Variants in NEB observed in about 807,000 individuals in gnomAD.
NEB encodes nemaline myopathy type 2.
In NEB, 512 loss-of-function variants were observed where a neutral mutation model predicts 952.2. That is an observed-to-expected ratio of 0.54 (90% confidence interval 0.50 to 0.58). The LOEUF (loss-of-function observed/expected upper bound fraction) is 0.58. Ranked by LOEUF, NEB falls within the 20% of genes least tolerant of loss-of-function variation. The pLI, the probability that NEB is intolerant of heterozygous loss-of-function variation, is 0.00. For missense variants in NEB, 8,428 were observed against 9,231.1 expected (o/e 0.91, Z 3.56); for synonymous variants, 2,900 against 3,149.8 (o/e 0.92, Z 2.66).
rs542377970 is a variant in NEB, at chr2:151,642,451, C to T, written c.8373+123G>A. ...ATTACCATTATTTTAAACCATTCATCGAAACAATAAACTGTTAGCAACAGC... is the reference window on the plus strand; with the variant it reads ...ATTACCATTATTTTAAACCATTCATTGAAACAATAAACTGTTAGCAACAGC... On this transcript the variant is annotated intron_variant, in intron 60 of 181. Transcript: ENST00000397345. The T allele has an allele frequency of 1.7e-4, 138 of 798,426 alleles. 1 individual carries two copies. Among genetic ancestry groups the T allele is most frequent in the African/African-American group, 1.2e-3 (69 of 57,648 alleles). The allele number at this position is 798,426 out of a possible 1,614,324, so 49.5% of individuals were successfully genotyped here. A position where few individuals can be genotyped will look rare whatever the true frequency, so the allele number is the denominator to read the frequency against.
At chr2:151,732,502 G>A (rs2099811361) in intron 3 of NEB, among the ~76,000 whole-genome samples, 1 of 152,150 alleles carries the variant, frequency 6.6e-6, no homozygotes, top group African/African-American at 2.4e-5. Context: ...TAGTCTTGTT[G>A]ACTTGGGTAA....
Position 151,554,918 on chromosome 2 carries a change from T to A in NEB, c.19428+13A>T. ...TGTATCCTAGTCATTAAGGGGCGCA[T>A]GACCGTACTTACATCGATGTTAAGC... On this transcript the variant is annotated intron_variant, in intron 125 of 181. Transcript: ENST00000397345. The A allele has an allele frequency of 6.4e-7, 1 of 1,570,084 alleles. No individual in the cohort carries two copies. The highest frequency in any genetic ancestry group is 8.8e-7 in the Non-Finnish European group (1 of 1,139,958).
At chr2:151,490,118 G>T in intron 180 of NEB, 41 bp from the exon 181 acceptor site, 1 of 1,461,062 alleles carries the variant, frequency 6.8e-7, no homozygotes, top group Middle Eastern at 1.8e-4. Flanking sequence ...AAGAAAAATG[G>T]CTAGGTATCC....
chr2:151,694,377 A>G lies in NEB; in HGVS notation c.1842T>C (p.Ile614=). The G allele has an allele frequency of 6.2e-7, 1 of 1,614,022 alleles. No homozygotes were observed. The highest frequency in any genetic ancestry group is 1.1e-5 in the South Asian group (1 of 91,080). ...NKGKMIGVLS[I]NDDPKMLHSL... is the part of the protein sequence containing the mutation. ...AGTGCAGCATCTTGGGATCGTCATT[A>G]ATGCTGAGGACTCCAATCATTTTCC... Residue 614 remains isoleucine, a synonymous_variant, in exon 20 of 182, where the codon ATT becomes ATC. Transcript: ENST00000397345.
At chr2:151,680,553 C>T (rs567332802) in intron 30 of NEB, among the ~76,000 whole-genome samples, 177 bp downstream of exon 30, 2 of 152,256 alleles carry the variant, frequency 1.3e-5, no homozygotes, top group South Asian at 2.1e-4. Context: ...ATATACATTA[C>T]TGTAAATATA....
chr2:151,609,811 C>T lies in NEB; in HGVS notation c.12328G>A (p.Asp4110Asn), dbSNP rs1283048983. The change falls in exon 81 of 182, where the codon GAT becomes AAT. Residue 4110 changes from aspartate to asparagine, a missense_variant and splice_region_variant. Asp to Asn is a conservative substitution (Grantham distance 23). Coordinates refer to ENST00000397345, the MANE Select transcript of NEB (RefSeq NM_001164508.2). The part of the protein sequence containing the change: ...QAKKAYDLQS[D>N]SVYKADLEWL... ...TTCCCAAAATTCATGTTACGTACAT[C>T]ACTCTGCAGGTCATAGGCCTTTTTT... The T allele has an allele frequency of 3.2e-6, 5 of 1,573,444 alleles. No individual in the cohort carries two copies. In the Admixed American group the frequency reaches 5.4e-5, roughly 17 times the overall value.
At position 151,491,971 on chromosome 2, in the gene NEB, C is replaced by A. The variant is rs572436771; in HGVS notation, c.25057+127G>T. 81 of 1,103,846 alleles carry A rather than the reference C, an allele frequency of 7.3e-5. No individual in the cohort carries two copies. In the African/African-American group the frequency reaches 1.2e-3, roughly 17 times the overall value. 68.4% of individuals were successfully genotyped at this position (1,103,846 alleles called of 1,614,324 possible). A position where few individuals can be genotyped will look rare whatever the true frequency, so the allele number is the denominator to read the frequency against. On this transcript the variant is annotated intron_variant, in intron 178 of 181. Transcript: ENST00000397345. ...TTTGTAAACTATGAGATAATAGGAGCTTTCTTGCACCTCTAGAAAAACAGA... is the reference window on the plus strand; with the variant it reads ...TTTGTAAACTATGAGATAATAGGAGATTTCTTGCACCTCTAGAAAAACAGA...
At chr2:151,716,429 G>A (rs867438073) in intron 10 of NEB, among the ~76,000 whole-genome samples, 8 of 152,146 alleles carry the variant, frequency 5.3e-5, no homozygotes, top group Middle Eastern at 3.4e-3. Context: ...GAGCCACCGC[G>A]CCTGGCCAAT....
At chr2:151,550,716 C>T (rs2095268244) in intron 129 of NEB, among the ~76,000 whole-genome samples, 1 of 152,264 alleles carries the variant, frequency 6.6e-6, no homozygotes, top group African/African-American at 2.4e-5. Flanking sequence ...CAGTTCACTG[C>T]ATCCTTGACC....
chr2:151,684,833 G>A lies in NEB; in HGVS notation c.2780C>T (p.Pro927Leu). ...YKHILHSYSY[P>L]PDSINVDLAK... ...AAGGTCCACATTGATGCTATCAGGGGGGTAGCTGTAACTGTGTAAGATGTG... is the reference window on the plus strand; with the variant it reads ...AAGGTCCACATTGATGCTATCAGGGAGGTAGCTGTAACTGTGTAAGATGTG... The change falls in exon 28 of 182, where the codon CCC becomes CTC. Residue 927 changes from proline (P) to leucine (L), a missense_variant. By Grantham distance (98) the Pro-to-Leu change is moderately conservative. Around this residue, in one of 11 missense-constraint regions of NEB, gnomAD observed 2,851 missense variants for 2,791.5 expected, o/e 1.02. Coordinates refer to ENST00000397345, the MANE Select transcript of NEB (RefSeq NM_001164508.2). 6.2e-7 allele frequency: 1 copy of A among 1,613,388 alleles called. No individual in the cohort carries two copies. The highest frequency in any genetic ancestry group is 8.5e-7 in the Non-Finnish European group (1 of 1,179,598).
intron 52 of NEB, among the ~76,000 whole-genome samples, chr2:151,652,875 C>G (rs1250650677): frequency 6.6e-6 from 1 of 152,136 alleles, no homozygotes; most frequent in African/African-American, 2.4e-5. Flanking sequence ...AATTCCTAAA[C>G]TATCTTTAGC....
At chr2:151,518,470 G>T in intron 155 of NEB, 48 bp from the exon 156 acceptor site, 2 of 1,170,574 alleles carry the variant, frequency 1.7e-6, no homozygotes, top group Non-Finnish European at 2.6e-6. Context: ...AAGCTGCTCA[G>T]CATTCCTATT....
Position 151,640,416 on chromosome 2 carries a change from G to A in NEB, c.8624C>T (p.Thr2875Ile). 1.2e-6 allele frequency: 2 copies of A among 1,613,966 alleles called. No homozygotes were observed. Among genetic ancestry groups the A allele is most frequent in the Non-Finnish European group, 1.7e-6 (2 of 1,179,882 alleles). The change falls in exon 61 of 182, where the codon ACA becomes ATA. Residue 2875 changes from threonine (T) to isoleucine (I), a missense_variant. Transcript: ENST00000397345. Reference sequence around the variant, plus strand: ...GACGTCGCTCTGGTCGGGCAGGCATGTCCACTGGTGCAGGTAGTTCTTGTA... The same window carrying A: ...GACGTCGCTCTGGTCGGGCAGGCATATCCACTGGTGCAGGTAGTTCTTGTA... Reference protein sequence around the residue: ...VDYKNYLHQWTCLPDQSDVIH... With the variant: ...VDYKNYLHQWICLPDQSDVIH...
At position 151,687,741 on chromosome 2, in the gene NEB, A is replaced by G. The variant is rs2148960985; in HGVS notation, c.2416-8T>C. 1 of 1,566,864 alleles carries G rather than the reference A, an allele frequency of 6.4e-7. No homozygotes were observed. Among genetic ancestry groups the G allele is most frequent in the Non-Finnish European group, 8.7e-7 (1 of 1,154,200 alleles). ...GTCTTGCTTATAAACATTCTGGACA[A>G]GAAAAATTCAGCAAAGGAATGATAA... On this transcript the variant is annotated splice_polypyrimidine_tract_variant and splice_region_variant and intron_variant, in intron 25 of 181. Coordinates refer to ENST00000397345, the MANE Select transcript of NEB (RefSeq NM_001164508.2).
intron 30 of NEB, among the ~76,000 whole-genome samples, chr2:151,680,315 C>A (rs2148623404): frequency 6.6e-6 from 1 of 151,866 alleles, no homozygotes; most frequent in South Asian, 2.1e-4. Context: ...CACCAACCAC[C>A]TATATTATAT....
rs1371965826 is a variant in NEB, at chr2:151,601,474, G to A, written c.13476+427C>T. The stretch of plus-strand genomic sequence containing the variant: ...TTTAAAAATGTGTAACCCTATCTAC[G>A]TGGAAAAAAACAGTATATTTCTAGC... On this transcript the variant is annotated intron_variant, in intron 88 of 181. Coordinates refer to ENST00000397345, the MANE Select transcript of NEB (RefSeq NM_001164508.2). 4.2e-3 allele frequency among the ~76,000 whole-genome samples: 464 copies of A among 110,328 alleles called. 10 individuals are homozygous for A. Among genetic ancestry groups the A allele is most frequent in the Non-Finnish European group, 6.4e-3 (357 of 56,016 alleles). The allele number at this position is 110,328 out of a possible 152,430, so 72.4% of individuals were successfully genotyped here.
At chr2:151,654,376 G>A (rs1163982844) in intron 51 of NEB, among the ~76,000 whole-genome samples, 3 of 152,112 alleles carry the variant, frequency 2.0e-5, no homozygotes, top group Non-Finnish European at 4.4e-5. Flanking sequence ...GTCATATCAG[G>A]CATATCACGT....
At chr2:151,637,907 C>T (rs2098792677) in intron 63 of NEB, among the ~76,000 whole-genome samples, 1 of 152,168 alleles carries the variant, frequency 6.6e-6, no homozygotes, top group South Asian at 2.1e-4. Flanking sequence ...AAGATGGTGG[C>T]AATTCCATCT....
intron 54 of NEB, among the ~76,000 whole-genome samples, chr2:151,648,632 C>T (rs1010813210): frequency 6.6e-6 from 1 of 152,138 alleles, no homozygotes; most frequent in African/African-American, 2.4e-5. Flanking sequence ...GGGGCTGCCC[C>T]GTGCATTGTG....
Sources: gnomAD v4.1 joint callset for allele counts (sites outside exome capture counted in the v4.1 genomes callset) on GRCh38, gnomAD v4.1.1 for gene constraint, gnomAD v4.1.1 regional missense constraint, MANE v1.5 for transcripts, NCBI Gene and HGNC (gene_info 2026-07-23, HGNC 2026-07-21) for gene names.